Variants in BMPER observed in about 807,000 individuals in gnomAD.
The protein encoded by BMPER is BMP-binding endothelial regulator protein.
BMPER carries 45 observed loss-of-function variants against 87.3 expected under a neutral mutation model. That is an observed-to-expected ratio of 0.52 (90% CI 0.41 to 0.66). The LOEUF (loss-of-function observed/expected upper bound fraction) is 0.66. BMPER is among the 30% of genes least tolerant of loss of function. The probability of loss-of-function intolerance (pLI) is 0.00; values close to 1 mark genes in which losing one functional copy is unlikely to be tolerated. For missense variants in BMPER, 784 were observed against 867.5 expected, an observed-to-expected ratio of 0.90 and a Z score of 1.21; for synonymous variants, 326 against 316.2, an observed-to-expected ratio of 1.03 and a Z score of -0.33.
intron 3 of BMPER, among the ~76,000 whole-genome samples, chr7:33,959,552 C>T (rs1185926241): frequency 6.6e-6 from 1 of 152,088 alleles, no homozygotes; most frequent in African/African-American, 2.4e-5. Context: ...TGGGATTCAG[C>T]CCTGAGCAAT....
chr7:33,930,894 G>A (rs1342283324), intron 2 of BMPER, among the ~76,000 whole-genome samples: 1 of 152,202 alleles, frequency 6.6e-6, no homozygotes, highest in Non-Finnish European at 1.5e-5. Context: ...AGGCTGCAGT[G>A]AGCCATGGTT....
At chr7:34,022,082 C>T (rs993724387) in intron 6 of BMPER, among the ~76,000 whole-genome samples, 1 of 152,024 alleles carries the variant, frequency 6.6e-6, no homozygotes, top group African/African-American at 2.4e-5. Context: ...CTGGAGGCAT[C>T]TTGGCTTAAT....
At chr7:34,012,708 C>T (rs962369403) in intron 6 of BMPER, among the ~76,000 whole-genome samples, 4 of 151,884 alleles carry the variant, frequency 2.6e-5, no homozygotes, top group Admixed American at 1.3e-4. Context: ...CAACCTATAC[C>T]AACAAACTAC....
intron 2 of BMPER, among the ~76,000 whole-genome samples, chr7:33,915,273 A>AT (rs907103155): frequency 1.3e-5 from 2 of 152,302 alleles, no homozygotes; most frequent in South Asian, 2.1e-4. Flanking sequence ...ACATTGAGGG[A>AT]TTTTTTATTA....
At chr7:34,046,233 C>A (rs537043273) in intron 6 of BMPER, 73 bp from the exon 7 acceptor site, 5 of 1,420,804 alleles carry the variant, frequency 3.5e-6, no homozygotes, top group Admixed American at 3.3e-5. Context: ...TAGGTTTGTT[C>A]TAGATATCTT....
chr7:33,944,496 A>G (rs879579279), intron 3 of BMPER, among the ~76,000 whole-genome samples: 26 of 152,206 alleles, frequency 1.7e-4, no homozygotes, highest in Non-Finnish European at 1.2e-4. Context: ...GGGAAATATT[A>G]TTGTTATCAT....
chr7:33,966,500 C>T lies in BMPER; in HGVS notation c.341C>T (p.Thr114Ile). ...CTAGGTTGCACCTATGAAGGAAATA[C>T]CTATAACAGCTCCTTCAAATGGCAG... ...QCKGCTYEGN[T>I]YNSSFKWQSP... The change falls in exon 4 of 15, where the codon ACC (threonine) becomes ATC (isoleucine). Residue 114 changes from threonine to isoleucine, a missense_variant. By Grantham distance (89) the Thr-to-Ile change is moderately conservative. Transcript: ENST00000649409. 1.2e-6 allele frequency: 2 copies of T among 1,613,740 alleles called. No homozygotes were observed. The highest frequency in any genetic ancestry group is 8.5e-7 in the Non-Finnish European group (1 of 1,179,690).
intron 11 of BMPER, among the ~76,000 whole-genome samples, chr7:34,070,092 G>T (rs994442520): frequency 2.6e-5 from 4 of 151,982 alleles, no homozygotes; most frequent in African/African-American, 9.7e-5. Context: ...TCTCACTCTG[G>T]TTTCAGATTT....
chr7:33,922,407 C>T (rs1784255181), intron 2 of BMPER, among the ~76,000 whole-genome samples: 1 of 152,228 alleles, frequency 6.6e-6, no homozygotes, highest in Non-Finnish European at 1.5e-5. Flanking sequence ...GGCATTACAG[C>T]AGGCTGGCTG....
intron 2 of BMPER, among the ~76,000 whole-genome samples, chr7:33,924,254 G>A (rs919212847): frequency 1.3e-5 from 2 of 152,110 alleles, no homozygotes; most frequent in Non-Finnish European, 1.5e-5. Flanking sequence ...AAATAAGTTG[G>A]ATTATTTCTA....
At chr7:34,049,712 C>T (rs1788094345) in intron 7 of BMPER, among the ~76,000 whole-genome samples, 1 of 151,926 alleles carries the variant, frequency 6.6e-6, no homozygotes, top group African/African-American at 2.4e-5. Flanking sequence ...ATACATGAAG[C>T]ACATGTAGAT....
intron 6 of BMPER, among the ~76,000 whole-genome samples, chr7:34,002,268 A>G (rs1030042568): frequency 6.6e-6 from 1 of 151,818 alleles, no homozygotes; most frequent in African/African-American, 2.4e-5. Context: ...TAATACCCAT[A>G]CAATCATTCT....
intron 13 of BMPER, among the ~76,000 whole-genome samples, chr7:34,094,732 A>G (rs1789484773): frequency 6.6e-6 from 1 of 152,126 alleles, no homozygotes. Context: ...TGCGGAGAGG[A>G]CCTACCCCAT....
At chr7:34,129,610 A>G (rs139584171) in intron 13 of BMPER, among the ~76,000 whole-genome samples, 3,474 of 67,664 alleles carry the variant, frequency 0.051, 71 homozygotes, top group South Asian at 0.067. Flanking sequence ...GAGAGAGAGA[A>G]AGAGAGAGAG....
At chr7:34,112,042 T>C (rs1028404667) in intron 13 of BMPER, among the ~76,000 whole-genome samples, 3 of 152,242 alleles carry the variant, frequency 2.0e-5, no homozygotes, top group Non-Finnish European at 4.4e-5. Flanking sequence ...TCCATTGTTT[T>C]CTAGCATTTA....
At chr7:33,943,418 G>A (rs1415809655) in intron 3 of BMPER, among the ~76,000 whole-genome samples, 1 of 152,086 alleles carries the variant, frequency 6.6e-6, no homozygotes, top group Non-Finnish European at 1.5e-5. Context: ...CTCTTGTATG[G>A]ATTCCATAGT....
At chr7:34,004,680 C>A (rs565494954) in intron 6 of BMPER, among the ~76,000 whole-genome samples, 1 of 152,220 alleles carries the variant, frequency 6.6e-6, no homozygotes, top group African/African-American at 2.4e-5. Context: ...TCGGTTAGTT[C>A]AATGGTCAGC....
chr7:34,002,621 T>A (rs1021230550), intron 6 of BMPER, among the ~76,000 whole-genome samples: 2 of 151,832 alleles, frequency 1.3e-5, no homozygotes, highest in African/African-American at 4.8e-5. Context: ...GAAAGTAGAG[T>A]ATTGAATTCT....
At chr7:34,137,598 C>T (rs910735424) in intron 13 of BMPER, among the ~76,000 whole-genome samples, 2 of 152,170 alleles carry the variant, frequency 1.3e-5, no homozygotes, top group African/African-American at 4.8e-5. Context: ...GGACATGGGA[C>T]CCTATAGGGA....
Sources: allele counts gnomAD v4.1 joint callset (sites outside exome capture counted in the v4.1 genomes callset), GRCh38; gene constraint gnomAD v4.1.1; transcripts MANE v1.5; gene names NCBI Gene and HGNC (gene_info 2026-07-23, HGNC 2026-07-21).